PTPN3: variants seen among roughly 807,000 people sequenced by gnomAD.
PTPN3 encodes the protein protein tyrosine phosphatase non-receptor type 3.
In PTPN3, 96 loss-of-function variants were observed where a neutral mutation model predicts 132.7. The ratio of observed to expected loss-of-function variants is 0.72; its 90% CI spans 0.61 to 0.86. The LOEUF (loss-of-function observed/expected upper bound fraction) is 0.86, where lower values mean the gene tolerates loss of function less well. PTPN3 is among the 40% of genes least tolerant of loss of function. PTPN3 has a pLI of 0.00. For synonymous variants in PTPN3, 398 were observed against 429.0 expected, an observed-to-expected ratio of 0.93 and a Z score of 0.89; for missense variants, 1,125 against 1,159.6, an observed-to-expected ratio of 0.97 and a Z score of 0.43.
chr9:109,480,980 C>T (rs1846932637), intron 1 of PTPN3, among the ~76,000 whole-genome samples: 1 of 152,208 alleles, frequency 6.6e-6, no homozygotes, highest in South Asian at 2.1e-4. Flanking sequence ...TATCCCTCCA[C>T]TCACTTCTTA....
the PTPN3 span, among the ~76,000 whole-genome samples, chr9:109,525,121 G>A: frequency 1.3e-5 from 2 of 151,974 alleles, no homozygotes; most frequent in African/African-American, 4.8e-5. Context: ...TCATGATCAT[G>A]GCTCACTGCA....
At chr9:109,386,421 T>C (rs1021544349) in intron 22 of PTPN3, among the ~76,000 whole-genome samples, 5 of 152,200 alleles carry the variant, frequency 3.3e-5, no homozygotes, top group African/African-American at 9.7e-5. Flanking sequence ...TCCCTGAGGA[T>C]GCAGAGATGA....
intron 19 of PTPN3, among the ~76,000 whole-genome samples, chr9:109,396,018 T>C (rs1840576401): frequency 2.0e-5 from 3 of 152,052 alleles, no homozygotes; most frequent in South Asian, 4.2e-4. Flanking sequence ...TGCGCCACCA[T>C]GCCCAGCTAA....
upstream of PTPN3, among the ~76,000 whole-genome samples, chr9:109,499,841 C>T (rs1427130061): frequency 3.9e-5 from 6 of 152,172 alleles, no homozygotes; most frequent in Non-Finnish European, 5.9e-5. Context: ...GGGGCAGGAC[C>T]GCCCGCGCCC....
intron 14 of PTPN3, among the ~76,000 whole-genome samples, chr9:109,417,196 A>G (rs1842575526): frequency 6.6e-6 from 1 of 152,230 alleles, no homozygotes; most frequent in Non-Finnish European, 1.5e-5. Context: ...TCATAACTAT[A>G]ATCATAAACT....
Position 109,438,842 on chromosome 9 carries a change from G to A in PTPN3, c.467-608C>T, listed in dbSNP as rs543128918. On this transcript the variant is annotated intron_variant, in intron 7 of 25. Coordinates refer to ENST00000374541, the MANE Select transcript of PTPN3 (RefSeq NM_002829.4). The stretch of plus-strand genomic sequence containing the variant: ...AAGGTGGGTGGGAGTGGGGCTGAAT[G>A]GTCAGGGCTCAGGCAACAGCAAAGT... Among the ~76,000 whole-genome samples, 3 of 152,284 alleles carry A rather than the reference G, an allele frequency of 2.0e-5. No homozygotes were observed. The South Asian group carries it at 6.2e-4, about 32-fold the overall frequency.
chr9:109,407,105 C>T (rs1841629323), intron 17 of PTPN3, among the ~76,000 whole-genome samples: 1 of 152,200 alleles, frequency 6.6e-6, no homozygotes, highest in African/African-American at 2.4e-5. Context: ...TTTACAGAAA[C>T]TGTAAACAGT....
intron 19 of PTPN3, among the ~76,000 whole-genome samples, chr9:109,396,161 C>T (rs1291688047): frequency 6.6e-6 from 1 of 152,190 alleles, no homozygotes; most frequent in Non-Finnish European, 1.5e-5. Flanking sequence ...TGCGCCTGGC[C>T]TCAAGTTCCT....
At chr9:109,475,557 C>A (rs1257420542) in intron 1 of PTPN3, among the ~76,000 whole-genome samples, 1 of 152,188 alleles carries the variant, frequency 6.6e-6, no homozygotes, top group African/African-American at 2.4e-5. Context: ...CCCAGACAGA[C>A]TGGAAATCAG....
intron 1 of PTPN3, among the ~76,000 whole-genome samples, chr9:109,483,244 C>A (rs113164239): frequency 2.0e-5 from 3 of 152,382 alleles, no homozygotes; most frequent in African/African-American, 7.2e-5. Context: ...ATGTTCCTGG[C>A]AATTTCACCA....
chr9:109,401,279 A>G (rs533323139), intron 19 of PTPN3, among the ~76,000 whole-genome samples: 86 of 152,198 alleles, frequency 5.7e-4, no homozygotes, highest in Non-Finnish European at 1.0e-3. Context: ...CTCCTCTGGA[A>G]CAGCGTGTGC....
chr9:109,484,243 G>A (rs1033113821), intron 1 of PTPN3, among the ~76,000 whole-genome samples: 1 of 152,228 alleles, frequency 6.6e-6, no homozygotes, highest in Non-Finnish European at 1.5e-5. Context: ...AGCTGAGCCA[G>A]TACTGCCTGA....
In PTPN3 at chr9:109,437,084, A is replaced by C. The variant is rs923275531; in HGVS notation, c.588-114T>G. ...TTTCTGTAAGGTTATTAAATGCCTT[A>C]TGTTATCAATCTTCAGCAATCTAAT... On this transcript the variant is annotated intron_variant, in intron 8 of 25. Coordinates refer to ENST00000374541, the MANE Select transcript of PTPN3 (RefSeq NM_002829.4). The C allele has an allele frequency of 2.0e-6, 3 of 1,479,200 alleles. No homozygotes were observed. In the African/African-American group the frequency reaches 4.2e-5, roughly 21 times the overall value. The allele number at this position is 1,479,200 out of a possible 1,614,324, so 91.6% of individuals were successfully genotyped here.
At chr9:109,473,551 G>C (rs563009760) in intron 1 of PTPN3, among the ~76,000 whole-genome samples, 1 of 152,148 alleles carries the variant, frequency 6.6e-6, no homozygotes, top group African/African-American at 2.4e-5. Flanking sequence ...TGCGGGAGCC[G>C]CGGGCAGTTT....
chr9:109,404,552 CG>C lies in PTPN3; in HGVS notation c.1848del (p.Glu617LysfsTer21). ...TCCGGACACATGGGGAAAATGGCTTCGGGGAAAAGCTGGTTCAGTTCATCTT... is the reference window on the plus strand; with the variant it reads ...TCCGGACACATGGGGAAAATGGCTTCGGGAAAAGCTGGTTCAGTTCATCTT... ...KSEDELNQLFPEAIFPMCPEG... is the reference protein window; with the variant it reads ...KSEDELNQLFXEAIFPMCPEG... On this transcript the variant is annotated frameshift_variant, in exon 19 of 26. Coordinates refer to ENST00000374541, the MANE Select transcript of PTPN3 (RefSeq NM_002829.4). LOFTEE classifies it high-confidence loss of function. 6.4e-7 allele frequency: 1 copy of C among 1,564,662 alleles called. No individual in the cohort carries two copies.
chr9:109,449,320 G>A (rs1048455737), intron 5 of PTPN3: 2 of 988,214 alleles, frequency 2.0e-6, no homozygotes, highest in African/African-American at 3.5e-5. Context: ...TAAAAGGAGG[G>A]GAGTCTGTGA....
the PTPN3 span, among the ~76,000 whole-genome samples, chr9:109,534,734 C>G: frequency 6.6e-6 from 1 of 151,826 alleles, no homozygotes; most frequent in South Asian, 2.1e-4. Context: ...CCCGGGAGGC[C>G]GAGGTTGCAG....
the PTPN3 span, among the ~76,000 whole-genome samples, chr9:109,521,436 A>G: frequency 3.9e-3 from 591 of 152,302 alleles, 3 homozygotes; most frequent in African/African-American, 0.013. Flanking sequence ...CTAGGATTAC[A>G]GGCATGAGCC....
the PTPN3 span, chr9:109,533,529 G>A: frequency 8.1e-6 from 13 of 1,599,808 alleles, no homozygotes; most frequent in African/African-American, 1.3e-5. Context: ...GTCTCACCTC[G>A]TTGATTTTCT....
Sources: allele counts gnomAD v4.1 joint callset (sites outside exome capture counted in the v4.1 genomes callset), GRCh38; gene constraint gnomAD v4.1.1; transcripts MANE v1.5; gene names NCBI Gene and HGNC (gene_info 2026-07-23, HGNC 2026-07-21).